ANKRD11: variants seen among roughly 807,000 people sequenced by gnomAD.
ANKRD11 encodes the protein ankyrin repeat domain-containing protein 11.
In ANKRD11, 17 loss-of-function variants were observed where a neutral mutation model predicts 195.7. The observed-to-expected ratio is 0.09, with a 90% CI of 0.06 to 0.13. The LOEUF is 0.13. Ranked by LOEUF, ANKRD11 falls within the 10% of genes least tolerant of loss-of-function variation. ANKRD11 has a pLI of 1.00. For missense variants in ANKRD11, 3,735 were observed against 3,566.1 expected (o/e 1.05, Z -1.21); for synonymous variants, 1,953 against 1,528.1 (o/e 1.28, Z -6.49).
chr16:89,462,689 G>A (rs951304659), intron 1 of ANKRD11, among the ~76,000 whole-genome samples: 3 of 145,974 alleles, frequency 2.1e-5, no homozygotes, highest in East Asian at 2.1e-4. Flanking sequence ...GCCGCCCATC[G>A]TCTGAGATGT....
intron 1 of ANKRD11, chr16:89,422,132 T>C (rs2042537693): frequency 6.6e-6 from 1 of 152,044 alleles, no homozygotes; most frequent in African/African-American, 2.4e-5. Flanking sequence ...AATTATTTAA[T>C]ACAATCAACG....
At chr16:89,468,656 G>A (rs189774643) in intron 1 of ANKRD11, among the ~76,000 whole-genome samples, 29 of 152,198 alleles carry the variant, frequency 1.9e-4, no homozygotes, top group African/African-American at 5.8e-4. Flanking sequence ...GCAGTGAGCC[G>A]AGATCGCGCC....
chr16:89,441,150 G>T (rs1003103972), intron 1 of ANKRD11, among the ~76,000 whole-genome samples: 1 of 151,760 alleles, frequency 6.6e-6, no homozygotes, highest in African/African-American at 2.4e-5. Context: ...GCAGGAAAAT[G>T]GCGTGAACCT....
At chr16:89,286,338 G>C in intron 7 of ANKRD11, 152 bp from the exon 8 acceptor site, 1 of 1,141,368 alleles carries the variant, frequency 8.8e-7, no homozygotes, top group South Asian at 1.3e-5. Flanking sequence ...AGCGCCCAGG[G>C]ACTGCCTGGC....
chr16:89,427,495 G>A (rs550249593), intron 1 of ANKRD11, among the ~76,000 whole-genome samples: 1 of 152,264 alleles, frequency 6.6e-6, no homozygotes, highest in East Asian at 1.9e-4. Context: ...GAGTAGAAAA[G>A]ACATAATTAA....
At chr16:89,305,185 G>A (rs752142028) in intron 4 of ANKRD11, 21 bp downstream of exon 4, 1 of 1,608,756 alleles carries the variant, frequency 6.2e-7, no homozygotes, top group Non-Finnish European at 8.5e-7. Context: ...GCTGACTGCA[G>A]GAGGGGCCGC....
In ANKRD11 at chr16:89,279,020, C is replaced by A; in HGVS notation, c.7470+52G>T. 1 of 1,607,454 alleles carries A rather than the reference C, an allele frequency of 6.2e-7. No homozygotes were observed. Among genetic ancestry groups the A allele is most frequent in the Non-Finnish European group, 8.5e-7 (1 of 1,177,312 alleles). ...TGGAGGAAGCCGTGACTAGGGGCCC[C>A]AGACGCATCCCAGAGAGAGAAGGCA... is the stretch of plus-strand genomic sequence containing the variant. On this transcript the variant is annotated intron_variant, in intron 9 of 12. Coordinates refer to ENST00000301030, the MANE Select transcript of ANKRD11 (RefSeq NM_013275.6). The surrounding 1 kb of genome is among the most constrained non-coding windows in gnomAD (Gnocchi z 5.6).
chr16:89,360,842 CAGCCTCTCTGCATGA>C (rs1216440687), intron 2 of ANKRD11: 6 of 152,404 alleles, frequency 3.9e-5, no homozygotes, highest in South Asian at 2.1e-4. Flanking sequence ...TGGTCAGTCA[CAGCCTCTCTGCATGA>C]AGCCTCTCTG....
At chr16:89,394,848 CT>C (rs2041356466) in intron 2 of ANKRD11, among the ~76,000 whole-genome samples, 1 of 152,128 alleles carries the variant, frequency 6.6e-6, no homozygotes. Context: ...AACGTCCAGA[CT>C]CCTCATTTCC....
chr16:89,430,499 T>C (rs1005188425), intron 1 of ANKRD11, among the ~76,000 whole-genome samples: 12 of 151,446 alleles, frequency 7.9e-5, no homozygotes, highest in Admixed American at 7.9e-4. Context: ...CGCTCAGTCG[T>C]TCTAGTACAC....
intron 2 of ANKRD11, among the ~76,000 whole-genome samples, chr16:89,383,605 G>T (rs1402598984): frequency 6.6e-6 from 1 of 152,150 alleles, no homozygotes; most frequent in African/African-American, 2.4e-5. Flanking sequence ...AGCCTCCCAT[G>T]GTGTCACGTC....
intron 2 of ANKRD11, among the ~76,000 whole-genome samples, chr16:89,326,979 G>C (rs2037761812): frequency 6.6e-6 from 1 of 152,108 alleles, no homozygotes; most frequent in African/African-American, 2.4e-5. Flanking sequence ...AAGTCCACTG[G>C]GCAATGCAGA....
At chr16:89,467,093 A>G (rs1284433304) in intron 1 of ANKRD11, among the ~76,000 whole-genome samples, 1 of 152,180 alleles carries the variant, frequency 6.6e-6, no homozygotes, top group East Asian at 1.9e-4. Flanking sequence ...GCGCAGGGAG[A>G]AAAAGACCAC....
At chr16:89,477,169 A>G (rs2057288080) in intron 1 of ANKRD11, among the ~76,000 whole-genome samples, 1 of 151,762 alleles carries the variant, frequency 6.6e-6, no homozygotes, top group Non-Finnish European at 1.5e-5. Context: ...GAAGTATAAA[A>G]GCCATCACCT....
chr16:89,302,117 C>G (rs572268505), intron 4 of ANKRD11, among the ~76,000 whole-genome samples: 25 of 152,336 alleles, frequency 1.6e-4, no homozygotes, highest in African/African-American at 5.8e-4. Context: ...CTGGTGTGCG[C>G]CTCTCCCTCC....
intron 9 of ANKRD11, chr16:89,278,692 G>T (rs763358655): frequency 2.1e-6 from 1 of 483,154 alleles, no homozygotes; most frequent in South Asian, 1.5e-5. Flanking sequence ...AGAAGGGGGC[G>T]GGGCAGGGGC....
chr16:89,348,785 T>C (rs1460376667), intron 2 of ANKRD11, among the ~76,000 whole-genome samples: 1 of 151,990 alleles, frequency 6.6e-6, no homozygotes, highest in African/African-American at 2.4e-5. Context: ...ATCACAGCAA[T>C]GTCCCTTTTC....
At chr16:89,390,778 G>A (rs2041155873) in intron 2 of ANKRD11, among the ~76,000 whole-genome samples, 1 of 152,150 alleles carries the variant, frequency 6.6e-6, no homozygotes, top group Non-Finnish European at 1.5e-5. Flanking sequence ...GCTGGTAATG[G>A]TTGTCTAACT....
intron 2 of ANKRD11, among the ~76,000 whole-genome samples, chr16:89,365,980 A>T (rs1476677895): frequency 1.3e-5 from 2 of 151,872 alleles, no homozygotes; most frequent in African/African-American, 4.8e-5. Context: ...CTGTCCCTGC[A>T]TTGGTTTGTT....
Sources: allele counts gnomAD v4.1 joint callset (sites outside exome capture counted in the v4.1 genomes callset), GRCh38; gene constraint gnomAD v4.1.1; non-coding constraint Gnocchi (gnomAD v3.1); transcripts MANE v1.5; gene names NCBI Gene and HGNC (gene_info 2026-07-23, HGNC 2026-07-21).